The following CHRNA9 variants were observed in gnomAD, a reference collection of about 807,000 sequenced individuals.
The protein encoded by CHRNA9 is neuronal acetylcholine receptor subunit alpha-9.
CHRNA9 carries 24 observed loss-of-function variants against 36.8 expected under a neutral mutation model. That is an observed-to-expected ratio of 0.65 (90% CI 0.47 to 0.92). CHRNA9 has a LOEUF of 0.92. CHRNA9 is among the 40% of genes least tolerant of loss of function. CHRNA9 has a pLI of 0.00. For synonymous variants in CHRNA9, 231 were observed against 231.8 expected, an observed-to-expected ratio of 1.00 and a Z score of 0.03; for missense variants, 610 against 601.2, an observed-to-expected ratio of 1.01 and a Z score of -0.15.
At chr4:40,346,796 ATTATT>A (rs907010157) in intron 3 of CHRNA9, among the ~76,000 whole-genome samples, 8 of 151,848 alleles carry the variant, frequency 5.3e-5, no homozygotes, top group African/African-American at 1.7e-4. Context: ...ATAGACATAT[ATTATT>A]TTATTTTATT....
intron 4 of CHRNA9, 127 bp from the exon 5 acceptor site, chr4:40,353,852 C>T (rs1712869799): frequency 1.2e-6 from 1 of 864,010 alleles, no homozygotes; most frequent in Admixed American, 2.6e-5. Flanking sequence ...TTATGATGTT[C>T]ACACAACAGC....
intron 3 of CHRNA9, among the ~76,000 whole-genome samples, chr4:40,339,704 C>T (rs922371090): frequency 2.6e-4 from 39 of 151,528 alleles, no homozygotes; most frequent in Non-Finnish European, 5.3e-4. Flanking sequence ...CTCCTATCGC[C>T]CACGCTAGAG....
intron 3 of CHRNA9, chr4:40,347,937 C>T (rs182722605): frequency 1.3e-5 from 2 of 152,310 alleles, no homozygotes; most frequent in African/African-American, 4.8e-5. Flanking sequence ...CTGACTTTGG[C>T]AACCTTGTGA....
In CHRNA9 at chr4:40,335,504, A is replaced by G; in HGVS notation, c.37A>G (p.Ile13Val). 6.2e-7 allele frequency: 1 copy of G among 1,613,698 alleles called. No individual in the cohort carries two copies. The highest frequency in any genetic ancestry group is 8.5e-7 in the Non-Finnish European group (1 of 1,179,574). Residue 13 changes from isoleucine (I) to valine (V), a missense_variant, in exon 1 of 5, where the codon ATC becomes GTC. Physicochemically the swap from Ile to Val is conservative, Grantham distance 29. Coordinates refer to ENST00000310169, the MANE Select transcript of CHRNA9 (RefSeq NM_017581.4). ...CCATTCCTGCATCTCCTTTTGCTGG[A>G]TCTACTTTGCTGCTTCCAGACTGAG... is the stretch of plus-strand genomic sequence containing the variant. ...WSHSCISFCW[I>V]YFAASRLRAA...
chr4:40,347,810 A>G (rs1352980698), intron 3 of CHRNA9: 1 of 152,252 alleles, frequency 6.6e-6, no homozygotes, highest in Non-Finnish European at 1.5e-5. Context: ...ATACCACATT[A>G]TATTTAGCCA....
At position 40,354,068 on chromosome 4, in the gene CHRNA9, GCC is replaced by G. The variant is rs1223241313; in HGVS notation, c.990_991del (p.Arg331AlafsTer22). 5 of 1,614,188 alleles carry G rather than the reference GCC, an allele frequency of 3.1e-6. No homozygotes were observed. The highest frequency in any genetic ancestry group is 2.2e-5 in the South Asian group (2 of 91,076). On this transcript the variant is annotated frameshift_variant, in exon 5 of 5. Coordinates refer to ENST00000310169, the MANE Select transcript of CHRNA9 (RefSeq NM_017581.4). LOFTEE classifies it low-confidence loss of function (END_TRUNC). ...VMNIHFCGAEARPVPHWARVV... is the reference protein window; with the variant it reads ...VMNIHFCGAEXRPVPHWARVV... Reference sequence around the variant, plus strand: ...GAATATCCACTTCTGTGGGGCCGAGGCCCGGCCGGTGCCACACTGGGCCAGGG... The same window carrying G: ...GAATATCCACTTCTGTGGGGCCGAGGCGGCCGGTGCCACACTGGGCCAGGG...
At chr4:40,344,909 G>A (rs1295381139) in intron 3 of CHRNA9, among the ~76,000 whole-genome samples, 1 of 152,214 alleles carries the variant, frequency 6.6e-6, no homozygotes, top group East Asian at 1.9e-4. Context: ...GGAGAGGCAG[G>A]GAAGGCTTCA....
At chr4:40,341,043 G>A (rs1302893946) in intron 3 of CHRNA9, among the ~76,000 whole-genome samples, 2 of 149,344 alleles carry the variant, frequency 1.3e-5, no homozygotes, top group Non-Finnish European at 3.0e-5. Flanking sequence ...GAAATAGTGA[G>A]CTTTTTAGCA....
chr4:40,346,998 A>C (rs1055711118), intron 3 of CHRNA9, among the ~76,000 whole-genome samples: 28 of 151,940 alleles, frequency 1.8e-4, no homozygotes, highest in African/African-American at 6.5e-4. Context: ...TTTTTAGTAG[A>C]GATGGGGTTT....
intron 3 of CHRNA9, among the ~76,000 whole-genome samples, chr4:40,342,567 G>C (rs955973123): frequency 6.6e-6 from 1 of 152,170 alleles, no homozygotes; most frequent in Non-Finnish European, 1.5e-5. Flanking sequence ...AGGATGTCTA[G>C]GAATAAGCCA....
chr4:40,337,689 T>C (rs901735876), intron 3 of CHRNA9, among the ~76,000 whole-genome samples: 3 of 152,198 alleles, frequency 2.0e-5, no homozygotes, highest in Admixed American at 6.5e-5. Flanking sequence ...CTCACAGTTC[T>C]GGAGTTGAGA....
rs754447691 is a variant in CHRNA9 at position 40,348,947 on chromosome 4, C to T, written c.431C>T (p.Thr144Ile). 6.2e-7 allele frequency: 1 copy of T among 1,614,148 alleles called. No homozygotes were observed. The highest frequency in any genetic ancestry group is 8.5e-7 in the Non-Finnish European group (1 of 1,180,002). The stretch of plus-strand genomic sequence containing the variant: ...GTCCTGCGGTATGATGGGCTGATCA[C>T]CTGGGATGCACCGGCCATCACCAAA... ...NVVLRYDGLI[T>I]WDAPAITKSS... is the part of the protein sequence containing the mutation. The change falls in exon 4 of 5, where the codon ACC (threonine) becomes ATC (isoleucine). Residue 144 changes from threonine to isoleucine, a missense_variant. Coordinates refer to ENST00000310169, the MANE Select transcript of CHRNA9 (RefSeq NM_017581.4).
At chr4:40,349,700 G>C in intron 4 of CHRNA9, 1 of 327,556 alleles carries the variant, frequency 3.1e-6, no homozygotes, top group Non-Finnish European at 5.6e-6. Context: ...GCACAGCATC[G>C]GCATCCCCTG....
intron 3 of CHRNA9, chr4:40,338,099 T>C (rs1355494713): frequency 6.6e-6 from 1 of 152,146 alleles, no homozygotes; most frequent in East Asian, 1.9e-4. Flanking sequence ...CAAGATCATG[T>C]ATCAATAATT....
chr4:40,352,879 CAAGTTCATT>C (rs1712841130), intron 4 of CHRNA9, among the ~76,000 whole-genome samples: 1 of 146,604 alleles, frequency 6.8e-6, no homozygotes, highest in South Asian at 2.1e-4. Context: ...GAGAACTGGT[CAAGTTCATT>C]AATTGTTTGT....
At position 40,335,377 on chromosome 4, in the gene CHRNA9, G is replaced by A. The variant is rs182256175; in HGVS notation, c.-91G>A. The A allele has an allele frequency of 4.1e-6, 4 of 972,134 alleles. No individual in the cohort carries two copies. In the South Asian group the frequency reaches 5.2e-5, roughly 13 times the overall value. The allele number at this position is 972,134 out of a possible 1,614,324, so 60.2% of individuals were successfully genotyped here. ...CCGCCATAAGGCTGCAGCGGTGTGG[G>A]CTCCTTGTGCCCAGATCCTTTGTAT... On this transcript the variant is annotated 5_prime_UTR_variant, in exon 1 of 5. Coordinates refer to ENST00000310169, the MANE Select transcript of CHRNA9 (RefSeq NM_017581.4).
At chr4:40,353,284 A>T (rs1712854756) in intron 4 of CHRNA9, among the ~76,000 whole-genome samples, 1 of 152,162 alleles carries the variant, frequency 6.6e-6, no homozygotes, top group African/African-American at 2.4e-5. Flanking sequence ...CAAGTTCAGG[A>T]GTTCGAGACC....
intron 3 of CHRNA9, among the ~76,000 whole-genome samples, chr4:40,346,821 T>C (rs1712649873): frequency 6.6e-6 from 1 of 152,092 alleles, no homozygotes; most frequent in South Asian, 2.1e-4. Flanking sequence ...TTTTTTGTTG[T>C]TGTTGTTGAG....
At chr4:40,352,038 C>G (rs996213751) in intron 4 of CHRNA9, among the ~76,000 whole-genome samples, 2 of 152,160 alleles carry the variant, frequency 1.3e-5, no homozygotes, top group Non-Finnish European at 2.9e-5. Flanking sequence ...AAGATGGGAA[C>G]TATTTGTTTC....
Sources: gnomAD v4.1 joint callset for allele counts (sites outside exome capture counted in the v4.1 genomes callset) on GRCh38, gnomAD v4.1.1 for gene constraint, MANE v1.5 for transcripts, NCBI Gene and HGNC (gene_info 2026-07-23, HGNC 2026-07-21) for gene names.